The following BRD4 variants were observed in gnomAD, a reference collection of about 807,000 sequenced individuals.
BRD4 encodes the protein bromodomain containing 4.
A neutral mutation model predicts 142.1 loss-of-function variants in BRD4; 16 were observed. That is an observed-to-expected ratio of 0.11 (90% CI 0.08 to 0.17). BRD4 has a LOEUF of 0.17. Among genes scored for constraint, BRD4 ranks in the 10% least tolerant of loss-of-function variants. The pLI is 1.00. For missense variants in BRD4, 1,424 were observed against 1,810.9 expected (o/e 0.79, Z 3.88); for synonymous variants, 833 against 707.5 (o/e 1.18, Z -2.82).
chr19:15,271,524 C>T (rs969732453), intron 2 of BRD4, among the ~76,000 whole-genome samples: 2 of 152,224 alleles, frequency 1.3e-5, no homozygotes, highest in Admixed American at 6.5e-5. Context: ...AAGGGCCTCA[C>T]AACGCTCTGG....
intron 1 of BRD4, among the ~76,000 whole-genome samples, chr19:15,300,530 G>A (rs2047858522): frequency 6.6e-6 from 1 of 152,036 alleles, no homozygotes. Flanking sequence ...ACTCCAGCCT[G>A]GGTGATAGTG....
chr19:15,242,943 G>A lies in BRD4; in HGVS notation c.3126C>T (p.His1042=), dbSNP rs2047250059. 6.2e-7 allele frequency: 1 copy of A among 1,606,660 alleles called. No homozygotes were observed. Among genetic ancestry groups the A allele is most frequent in the South Asian group, 1.1e-5 (1 of 89,798 alleles). The change falls in exon 14 of 20, where the codon CAC becomes CAT. Residue 1042 remains histidine, a synonymous_variant. Transcript: ENST00000679869. Reference sequence around the variant, plus strand: ...ACTTGTGGTGCCGGGGTGAATGGTGGTGCTGGATGACTTGCTGAGGCTTGG... The same window carrying A: ...ACTTGTGGTGCCGGGGTGAATGGTGATGCTGGATGACTTGCTGAGGCTTGG... The part of the protein sequence containing the change: ...QPAKPQQVIQ[H]HHSPRHHKSD...
At chr19:15,254,520 G>A (rs145217413) in intron 10 of BRD4, among the ~76,000 whole-genome samples, 1 of 152,308 alleles carries the variant, frequency 6.6e-6, no homozygotes, top group East Asian at 1.9e-4. Flanking sequence ...GTTTATCAAG[G>A]ATTCAAGAGA....
chr19:15,313,041 C>T (rs1040266427), intron 1 of BRD4, among the ~76,000 whole-genome samples: 1 of 151,868 alleles, frequency 6.6e-6, no homozygotes, highest in Non-Finnish European at 1.5e-5. Flanking sequence ...CACTGCACTC[C>T]AGCTTGGATG....
At chr19:15,297,077 C>A (rs957516933) in intron 1 of BRD4, among the ~76,000 whole-genome samples, 4 of 152,188 alleles carry the variant, frequency 2.6e-5, no homozygotes, top group Non-Finnish European at 5.9e-5. Context: ...GAGGAGTAAA[C>A]AAAAGATACA....
At chr19:15,292,757 G>T in intron 1 of BRD4, among the ~76,000 whole-genome samples, 1 of 101,392 alleles carries the variant, frequency 9.9e-6, no homozygotes, top group South Asian at 3.6e-4. Context: ...CAGCCTAGGT[G>T]ACAGATCAAG....
rs1347818262 is a variant in BRD4 at position 15,236,200 on chromosome 19, G to GT, written c.*2176dup. On this transcript the variant is annotated 3_prime_UTR_variant, in exon 20 of 20. Transcript: ENST00000679869. ...AACAGTGCTAGAAATGTTTCAATCAGTTTGTCTCTGCATACATATAAATTA... is the reference window on the plus strand; with the variant it reads ...AACAGTGCTAGAAATGTTTCAATCAGTTTTGTCTCTGCATACATATAAATTA... 6.6e-6 allele frequency: 1 copy of GT among 152,208 alleles called. No homozygotes were observed. Among genetic ancestry groups the GT allele is most frequent in the Non-Finnish European group, 1.5e-5 (1 of 68,048 alleles). The allele number at this position is 152,208 out of a possible 1,614,324, so 9.4% of individuals were successfully genotyped here. A position where few individuals can be genotyped will look rare whatever the true frequency, so the allele number is the denominator to read the frequency against.
intron 1 of BRD4, chr19:15,332,050 C>T (rs2145033260): frequency 6.9e-6 from 1 of 145,658 alleles, no homozygotes; most frequent in South Asian, 1.9e-4. Context: ...GCAGGACAGC[C>T]GCGAGCGACC....
chr19:15,303,252 A>T (rs1168112461), intron 1 of BRD4, among the ~76,000 whole-genome samples: 1 of 152,206 alleles, frequency 6.6e-6, no homozygotes, highest in Non-Finnish European at 1.5e-5. Context: ...TTATGTACAG[A>T]CAGTTAATCT....
At position 15,251,757 on chromosome 19, in the gene BRD4, AGAG is replaced by A. The variant is rs1239770080; in HGVS notation, c.2158+2392_2158+2394del. ...GAAACCCTCGCAGCGGCCCCTCCTG[AGAG>A]GAGAAGCACCCTGCCGGCCCACGAC... On this transcript the variant is annotated intron_variant, in intron 11 of 19. Coordinates refer to ENST00000679869, the MANE Select transcript of BRD4 (RefSeq NM_001379291.1). Among the ~76,000 whole-genome samples the A allele has an allele frequency of 1.8e-4, 27 of 152,238 alleles. No individual in the cohort carries two copies. In the East Asian group the frequency reaches 4.1e-3, roughly 23 times the overall value.
chr19:15,256,637 A>G (rs1042090919), intron 8 of BRD4, among the ~76,000 whole-genome samples: 4 of 152,132 alleles, frequency 2.6e-5, no homozygotes, highest in Non-Finnish European at 4.4e-5. Context: ...CTATAGGGAG[A>G]GGAGCAAACA....
chr19:15,322,480 C>T (rs1448614140), intron 1 of BRD4, among the ~76,000 whole-genome samples: 3 of 151,086 alleles, frequency 2.0e-5, no homozygotes, highest in Non-Finnish European at 4.4e-5. Context: ...GAGGCCGAGG[C>T]GGGTGGATCA....
rs762817978 is a variant in BRD4 at position 15,237,017 on chromosome 19, TAAA to T, written c.*1357_*1359del. The T allele has an allele frequency of 7.4e-4, 88 of 118,968 alleles. No homozygotes were observed. The highest frequency in any genetic ancestry group is 2.5e-3 in the Middle Eastern group (1 of 406). 7.4% of individuals were successfully genotyped at this position (118,968 alleles called of 1,614,324 possible). On this transcript the variant is annotated 3_prime_UTR_variant, in exon 20 of 20. Transcript: ENST00000679869. ...CACCAGGGGCTCCAATTATAAAAAT[TAAA>T]AAAAAAAAAAAAAAAAAGCATGGGC...
chr19:15,252,187 C>T (rs964032995), intron 11 of BRD4, among the ~76,000 whole-genome samples: 1 of 152,160 alleles, frequency 6.6e-6, no homozygotes, highest in Non-Finnish European at 1.5e-5. Flanking sequence ...AGAAGAGGGA[C>T]GCAGAGGCCA....
intron 7 of BRD4, among the ~76,000 whole-genome samples, chr19:15,263,104 C>G (rs1054398597): frequency 6.6e-6 from 1 of 152,186 alleles, no homozygotes; most frequent in African/African-American, 2.4e-5. Context: ...GAGTGCCCCC[C>G]ACCCCCAACC....
In BRD4 at chr19:15,264,813, G is replaced by A. The variant is rs201740097; in HGVS notation, c.850-47C>T. ...ACAGGCACAGTCAGAAGTGGCAGCC[G>A]GCACAGCTGCCCTCAGGGTCACCCC... On this transcript the variant is annotated intron_variant, in intron 5 of 19. Transcript: ENST00000679869. 1.8e-5 allele frequency: 28 copies of A among 1,558,862 alleles called. 1 individual carries two copies. The highest frequency in any genetic ancestry group is 3.6e-5 in the South Asian group (3 of 82,334).
intron 1 of BRD4, chr19:15,280,467 A>C (rs1157487940): frequency 9.9e-7 from 1 of 1,010,516 alleles, no homozygotes; most frequent in Non-Finnish European, 1.2e-6. Context: ...CCTCGTAAAC[A>C]AATCAGAGCC....
At chr19:15,308,211 C>CCCATA (rs1207414523) in intron 1 of BRD4, among the ~76,000 whole-genome samples, 1 of 122,352 alleles carries the variant, frequency 8.2e-6, no homozygotes, top group Admixed American at 9.6e-5. Flanking sequence ...AGTCAAAACT[C>CCCATA]CCATACCTAT....
chr19:15,253,220 T>G, intron 11 of BRD4: 1 of 406,262 alleles, frequency 2.5e-6, no homozygotes, highest in Non-Finnish European at 4.5e-6. Flanking sequence ...AAACACAGGA[T>G]GTTAGCTCCA....
Sources: gnomAD v4.1 joint callset for allele counts (sites outside exome capture counted in the v4.1 genomes callset) on GRCh38, gnomAD v4.1.1 for gene constraint, MANE v1.5 for transcripts, NCBI Gene and HGNC (gene_info 2026-07-23, HGNC 2026-07-21) for gene names.